The following LINC00632 variants were observed in gnomAD, a reference collection of about 807,000 sequenced individuals.
The protein encoded by LINC00632 is long independently transcribed non-coding RNA 632, also known as ALDOA related specific transcript.
intron 2 of LINC00632, among the ~76,000 whole-genome samples, chrX:140,727,365 C>T (rs918113520): frequency 2.7e-5 from 3 of 111,961 alleles, no homozygotes; most frequent in African/African-American, 9.8e-5. Context: ...GATCTCGGCT[C>T]ACTGCAACCT....
exon 5 of LINC00632, among the ~76,000 whole-genome samples, chrX:140,787,536 G>T (rs1932035873): frequency 9.0e-6 from 1 of 111,367 alleles, no homozygotes; most frequent in Non-Finnish European, 1.9e-5. Context: ...GTACATATTT[G>T]TGTGCAGATG....
intron 3 of LINC00632, among the ~76,000 whole-genome samples, chrX:140,755,668 G>C (rs1224247101): frequency 8.9e-6 from 1 of 111,741 alleles, no homozygotes; most frequent in Non-Finnish European, 1.9e-5. Flanking sequence ...CCCTCTGTTT[G>C]GGTCAGTCTA....
chrX:140,742,877 G>GAGAGAGAGAGGA (rs1209141726), intron 3 of LINC00632, among the ~76,000 whole-genome samples: 4 of 94,428 alleles, frequency 4.2e-5, no homozygotes, highest in South Asian at 1.1e-3. Context: ...GAGAGAGAGA[G>GAGAGAGAGAGGA]AGGAAGGAAG....
chrX:140,751,730 A>G (rs1443160565), intron 3 of LINC00632, among the ~76,000 whole-genome samples: 1 of 111,769 alleles, frequency 8.9e-6, no homozygotes. Flanking sequence ...TTTTCATTTA[A>G]TCTTGTATTT....
intron 2 of LINC00632, among the ~76,000 whole-genome samples, chrX:140,715,418 C>T (rs1485131552): frequency 9.1e-6 from 1 of 110,492 alleles, no homozygotes; most frequent in Non-Finnish European, 1.9e-5. Context: ...CATGGTGAAA[C>T]CCCGTCTCTA....
At chrX:140,718,434 TG>T (rs1444520485) in intron 2 of LINC00632, among the ~76,000 whole-genome samples, 24 of 103,443 alleles carry the variant, frequency 2.3e-4, no homozygotes, top group African/African-American at 8.5e-4. Context: ...TTTTTTGAGA[TG>T]GAGTCTCGCT....
At chrX:140,755,061 T>A (rs1040775788) in intron 3 of LINC00632, among the ~76,000 whole-genome samples, 12 of 111,954 alleles carry the variant, frequency 1.1e-4, no homozygotes, top group African/African-American at 3.2e-4. Context: ...GGAGTCCCGG[T>A]AATGAATTTA....
chrX:140,773,935 C>G (rs1240662326), exon 4 of LINC00632, among the ~76,000 whole-genome samples: 3 of 112,352 alleles, frequency 2.7e-5, no homozygotes, highest in Non-Finnish European at 5.6e-5. Flanking sequence ...GTAGAAGAAT[C>G]AGTGAGACAA....
intron 3 of LINC00632, among the ~76,000 whole-genome samples, chrX:140,739,475 C>T (rs1297118551): frequency 9.0e-6 from 1 of 110,895 alleles, no homozygotes; most frequent in Non-Finnish European, 1.9e-5. Flanking sequence ...CCTGCCTTGG[C>T]CTCCCAAAGT....
At chrX:140,784,112 C>T (rs750936904) in exon 5 of LINC00632, 19 of 1,208,089 alleles carry the variant, frequency 1.6e-5, no homozygotes, top group Non-Finnish European at 2.1e-5. Flanking sequence ...CCAGACTATC[C>T]ATGTCTTCCA....
chrX:140,738,647 A>G (rs992343501), intron 3 of LINC00632, among the ~76,000 whole-genome samples: 1 of 112,484 alleles, frequency 8.9e-6, no homozygotes, highest in Non-Finnish European at 1.9e-5. Flanking sequence ...TGCTGTAAGT[A>G]TAGAATACAT....
intron 3 of LINC00632, among the ~76,000 whole-genome samples, chrX:140,748,526 A>G (rs1338723527): frequency 9.0e-6 from 1 of 110,950 alleles, no homozygotes; most frequent in African/African-American, 3.3e-5. Context: ...ATTGCAATCC[A>G]TTTTATTCAG....
chrX:140,727,190 A>T (rs1930977728), intron 2 of LINC00632, among the ~76,000 whole-genome samples: 1 of 111,389 alleles, frequency 9.0e-6, no homozygotes, highest in Admixed American at 9.6e-5. Context: ...GTGTCTCCAT[A>T]ACTTCCACAC....
chrX:140,759,971 T>A (rs746473095), intron 3 of LINC00632, among the ~76,000 whole-genome samples: 1 of 112,074 alleles, frequency 8.9e-6, no homozygotes, highest in South Asian at 3.8e-4. Flanking sequence ...TGACTCTTTT[T>A]TTCATTCATT....
At chrX:140,710,704 T>G (rs1481719245) in intron 1 of LINC00632, among the ~76,000 whole-genome samples, 1 of 109,883 alleles carries the variant, frequency 9.1e-6, no homozygotes, top group Non-Finnish European at 1.9e-5. Flanking sequence ...CCCTTGAACG[T>G]GAGGAAAAGA....
chrX:140,780,603 A>C (rs1931920967), exon 5 of LINC00632, among the ~76,000 whole-genome samples: 1 of 111,586 alleles, frequency 9.0e-6, no homozygotes, highest in African/African-American at 3.3e-5. Flanking sequence ...GGTAAAGATA[A>C]AGCTAAATAG....
intron 3 of LINC00632, among the ~76,000 whole-genome samples, chrX:140,767,311 A>C (rs2148399079): frequency 9.0e-6 from 1 of 111,655 alleles, no homozygotes; most frequent in East Asian, 2.8e-4. Flanking sequence ...TAAGTGAGTT[A>C]ATATATGTAA....
intron 2 of LINC00632, among the ~76,000 whole-genome samples, chrX:140,719,515 C>T (rs1009795718): frequency 9.2e-6 from 1 of 109,071 alleles, no homozygotes; most frequent in Non-Finnish European, 1.9e-5. Context: ...AGGCTGGTCT[C>T]GAACTCCTGA....
At chrX:140,745,959 C>T (rs1402497752) in intron 3 of LINC00632, among the ~76,000 whole-genome samples, 1 of 111,812 alleles carries the variant, frequency 8.9e-6, no homozygotes, top group East Asian at 2.8e-4. Flanking sequence ...TCACGCCTCC[C>T]TCCCCAGCCA....
Sources: allele counts gnomAD v4.1 joint callset (sites outside exome capture counted in the v4.1 genomes callset), GRCh38; gene constraint gnomAD v4.1.1; transcripts MANE v1.5; gene names NCBI Gene and HGNC (gene_info 2026-07-23, HGNC 2026-07-21).